Variants in SMC2 observed in about 807,000 individuals in gnomAD.
The protein encoded by SMC2 is structural maintenance of chromosomes protein 2.
Under a neutral mutation model 142.6 loss-of-function variants are expected in SMC2, and 41 were observed. The ratio of observed to expected loss-of-function variants is 0.29; its 90% CI spans 0.22 to 0.37. SMC2 has a LOEUF of 0.37. SMC2 is among the 10% of genes least tolerant of loss of function. The pLI is 1.00. For synonymous variants in SMC2, 463 were observed against 457.5 expected, an observed-to-expected ratio of 1.01 and a Z score of -0.15; for missense variants, 1,265 against 1,373.7, an observed-to-expected ratio of 0.92 and a Z score of 1.25.
At position 104,095,457 on chromosome 9, in the gene SMC2, C is replaced by T. The variant is rs1215455879; in HGVS notation, c.73C>T (p.Pro25Ser). 1 of 1,613,320 alleles carries T rather than the reference C, an allele frequency of 6.2e-7. No individual in the cohort carries two copies. Among genetic ancestry groups the T allele is most frequent in the Non-Finnish European group, 8.5e-7 (1 of 1,179,522 alleles). Residue 25 changes from proline (P) to serine (S), a missense_variant, in exon 2 of 25, where the codon CCC becomes TCC. Pro to Ser is a moderately conservative substitution (Grantham distance 74). Coordinates refer to ENST00000374793, the MANE Select transcript of SMC2 (RefSeq NM_006444.3). ...AQRTEVNGFDPLFNAITGLNG... is the reference protein window; with the variant it reads ...AQRTEVNGFDSLFNAITGLNG... The stretch of plus-strand genomic sequence containing the variant: ...GAGGACCGAAGTCAATGGTTTTGAC[C>T]CCCTCTTCAATGCTATCACTGGCTT...
intron 9 of SMC2, among the ~76,000 whole-genome samples, chr9:104,106,723 C>T (rs990484269): frequency 2.6e-5 from 4 of 152,158 alleles, no homozygotes; most frequent in Non-Finnish European, 5.9e-5. Context: ...GCATTCGAGT[C>T]ACTAAGTTGC....
At chr9:104,099,939 T>G (rs950668033) in intron 5 of SMC2, among the ~76,000 whole-genome samples, 154 bp from the exon 6 acceptor site, 6 of 152,156 alleles carry the variant, frequency 3.9e-5, no homozygotes, top group African/African-American at 1.4e-4. Context: ...GGAAAAGGTT[T>G]GTGTGAAATT....
chr9:104,097,295 AC>A (rs1830552579), intron 3 of SMC2, among the ~76,000 whole-genome samples: 1 of 150,526 alleles, frequency 6.6e-6, no homozygotes, highest in South Asian at 2.1e-4. Context: ...TTTAGTAGAG[AC>A]GGGATTTCGC....
chr9:104,094,562 G>GCGGGGCC, intron 1 of SMC2, 85 bp downstream of exon 1: 1 of 366,160 alleles, frequency 2.7e-6, no homozygotes, highest in Admixed American at 4.6e-5. Flanking sequence ...GGCGCGGGGC[G>GCGGGGCC]CGGGGGCTGT....
In SMC2 at chr9:104,132,135, A is replaced by G. The variant is rs1564116151; in HGVS notation, c.3108+10A>G. On this transcript the variant is annotated intron_variant, in intron 22 of 24. Coordinates refer to ENST00000374793, the MANE Select transcript of SMC2 (RefSeq NM_006444.3). The stretch of plus-strand genomic sequence containing the variant: ...TATTGCATGGCAAAAGGTACTTTTT[A>G]TGTTTGTTTTATATGAGGTTGCAAG... The G allele has an allele frequency of 2.2e-6, 3 of 1,389,666 alleles. No individual in the cohort carries two copies. The highest frequency in any genetic ancestry group is 1.0e-6 in the Non-Finnish European group (1 of 987,400). The allele number at this position is 1,389,666 out of a possible 1,614,324, so 86.1% of individuals were successfully genotyped here. A position where few individuals can be genotyped will look rare whatever the true frequency, so the allele number is the denominator to read the frequency against.
upstream of SMC2, among the ~76,000 whole-genome samples, chr9:104,091,475 T>C (rs75433571): frequency 5.5e-3 from 833 of 152,158 alleles, 2 homozygotes; most frequent in East Asian, 0.015. Flanking sequence ...GGTGCACGAG[T>C]GTATTCAAAA....
At chr9:104,120,304 TG>T in intron 16 of SMC2, 142 bp downstream of exon 16, 1 of 755,132 alleles carries the variant, frequency 1.3e-6, no homozygotes, top group South Asian at 2.1e-5. Flanking sequence ...AATTGTGAGT[TG>T]ATAACTTACC....
At chr9:104,095,645 GT>G in intron 2 of SMC2, 93 bp downstream of exon 2, 1 of 975,728 alleles carries the variant, frequency 1.0e-6, no homozygotes, top group Non-Finnish European at 1.5e-6. Flanking sequence ...CTTCATTTGT[GT>G]TTTTATACTT....
chr9:104,090,771 A>G (rs180940778), upstream of SMC2, among the ~76,000 whole-genome samples: 371 of 152,338 alleles, frequency 2.4e-3, 2 homozygotes, highest in Admixed American at 4.9e-3. Flanking sequence ...TGAGGAAATA[A>G]ATCACTGAGT....
Position 104,113,465 on chromosome 9 carries a change from A to T in SMC2, c.1404A>T (p.Leu468=). Residue 468 remains leucine, a synonymous_variant, in exon 11 of 25, where the codon CTA becomes CTT. Coordinates refer to ENST00000374793, the MANE Select transcript of SMC2 (RefSeq NM_006444.3). The part of the protein sequence containing the change: ...KEKLEAEMKK[L]NYEENKEESL... The stretch of plus-strand genomic sequence containing the variant: ...AACTTGAAGCTGAAATGAAAAAGCT[A>T]AATTATGAAGGTTTGCCTTTAAAAA... 2 of 1,601,372 alleles carry T rather than the reference A, an allele frequency of 1.2e-6. No individual in the cohort carries two copies. The highest frequency in any genetic ancestry group is 1.7e-6 in the Non-Finnish European group (2 of 1,175,764).
intron 10 of SMC2, among the ~76,000 whole-genome samples, chr9:104,112,653 A>T (rs564601880): frequency 6.6e-6 from 1 of 152,270 alleles, no homozygotes; most frequent in Admixed American, 6.5e-5. Context: ...CTATTATTTT[A>T]TAAGGGAACT....
intron 16 of SMC2, among the ~76,000 whole-genome samples, chr9:104,121,082 G>A (rs942385714): frequency 5.3e-5 from 8 of 152,194 alleles, no homozygotes; most frequent in African/African-American, 1.7e-4. Flanking sequence ...GTAAACACAC[G>A]AAAGAGTGAG....
At position 104,139,928 on chromosome 9, in the gene SMC2, C is replaced by G. The variant is rs1011608702; in HGVS notation, c.*613C>G. 1 of 152,066 alleles carries G rather than the reference C, an allele frequency of 6.6e-6. No individual in the cohort carries two copies. Among genetic ancestry groups the G allele is most frequent in the African/African-American group, 2.4e-5 (1 of 41,404 alleles). 9.4% of individuals were successfully genotyped at this position (152,066 alleles called of 1,614,324 possible). On this transcript the variant is annotated 3_prime_UTR_variant, in exon 25 of 25. Transcript: ENST00000374793. ...TTCCTATACGCTTAATAATTGGTCT[C>G]TACGTTTTAATGATACATGAATATC...
At chr9:104,119,893 T>C in intron 15 of SMC2, 134 bp from the exon 16 acceptor site, 1 of 855,328 alleles carries the variant, frequency 1.2e-6, no homozygotes, top group South Asian at 1.6e-5. Context: ...ATGGAATGAA[T>C]TCCATGGCTT....
In SMC2 at chr9:104,102,583, C is replaced by T. The variant is rs373984535; in HGVS notation, c.1020+10C>T. On this transcript the variant is annotated intron_variant, in intron 9 of 24. Transcript: ENST00000374793. Reference sequence around the variant, plus strand: ...AAAAAATATGGTTGAGGTAAGTGAGCTTAATGTGCCACTAGTGCCACTTGT... The same window carrying T: ...AAAAAATATGGTTGAGGTAAGTGAGTTTAATGTGCCACTAGTGCCACTTGT... 4.3e-6 allele frequency: 7 copies of T among 1,609,744 alleles called. No homozygotes were observed. Among genetic ancestry groups the T allele is most frequent in the Non-Finnish European group, 5.9e-6 (7 of 1,178,102 alleles).
Position 104,138,251 on chromosome 9 carries a change from A to C in SMC2, c.3417+86A>C, listed in dbSNP as rs191214431. The C allele has an allele frequency of 7.8e-5, 88 of 1,122,198 alleles. No individual in the cohort carries two copies. The East Asian group carries it at 1.8e-3, about 24-fold the overall frequency. 69.5% of individuals were successfully genotyped at this position (1,122,198 alleles called of 1,614,324 possible). On this transcript the variant is annotated intron_variant, in intron 24 of 24. Coordinates refer to ENST00000374793, the MANE Select transcript of SMC2 (RefSeq NM_006444.3). The stretch of plus-strand genomic sequence containing the variant: ...TCTTTAGTTAGTAGTCAATGTTAAT[A>C]AGATATTTAGGGTTGATAAATACTA...
At position 104,131,263 on chromosome 9, in the gene SMC2, G is replaced by A. The variant is rs367746405; in HGVS notation, c.2992-746G>A. On this transcript the variant is annotated intron_variant, in intron 21 of 24. Coordinates refer to ENST00000374793, the MANE Select transcript of SMC2 (RefSeq NM_006444.3). The stretch of plus-strand genomic sequence containing the variant: ...GTCAGAGAAAGAGCATTCCAGGAAG[G>A]GAGAATAGTGCAGGGGCCATAAGAC... Among the ~76,000 whole-genome samples the A allele has an allele frequency of 1.2e-4, 18 of 152,098 alleles. No individual in the cohort carries two copies. In the East Asian group the frequency reaches 1.3e-3, roughly 11 times the overall value.
At chr9:104,111,431 A>G (rs1457595973) in intron 9 of SMC2, 150 bp from the exon 10 acceptor site, 5 of 566,390 alleles carry the variant, frequency 8.8e-6, no homozygotes, top group Non-Finnish European at 1.6e-5. Context: ...CAAAATGATA[A>G]TTCAGTATTT....
chr9:104,095,187 T>C, intron 1 of SMC2, 137 bp from the exon 2 acceptor site: 1 of 507,830 alleles, frequency 2.0e-6, no homozygotes, highest in Non-Finnish European at 3.5e-6. Context: ...AGATGAACGA[T>C]GTCTTTACAT....
Sources: allele counts gnomAD v4.1 joint callset (sites outside exome capture counted in the v4.1 genomes callset), GRCh38; gene constraint gnomAD v4.1.1; transcripts MANE v1.5; gene names NCBI Gene and HGNC (gene_info 2026-07-23, HGNC 2026-07-21).